Variants in KDM6A observed in about 807,000 individuals in gnomAD.
The protein encoded by KDM6A is lysine-specific demethylase 6A.
Under a neutral mutation model 117.6 loss-of-function variants are expected in KDM6A, and 11 were observed. The ratio of observed to expected loss-of-function variants is 0.09; its 90% confidence interval spans 0.06 to 0.15. KDM6A has a LOEUF of 0.15. KDM6A is among the 10% of genes least tolerant of loss of function. The probability of loss-of-function intolerance (pLI) is 1.00; values close to 1 mark genes in which losing one functional copy is unlikely to be tolerated. For missense variants in KDM6A, 799 were observed against 1,077.3 expected, an observed-to-expected ratio of 0.74 and a Z score of 3.62; for synonymous variants, 384 against 396.1, an observed-to-expected ratio of 0.97 and a Z score of 0.36.
intron 4 of KDM6A, among the ~76,000 whole-genome samples, chrX:45,000,401 C>T (rs772982997): frequency 1.0e-3 from 116 of 111,633 alleles, no homozygotes; most frequent in African/African-American, 3.7e-3. Context: ...TCTCACTGTA[C>T]GATGTCTTAT....
At chrX:44,993,030 C>A (rs12389151) in intron 4 of KDM6A, among the ~76,000 whole-genome samples, 3 of 111,908 alleles carry the variant, frequency 2.7e-5, no homozygotes, top group Non-Finnish European at 3.8e-5. Flanking sequence ...TATGGAGCAT[C>A]TGAGGAAAGA....
intron 2 of KDM6A, among the ~76,000 whole-genome samples, chrX:44,892,477 A>G (rs960387741): frequency 4.6e-5 from 5 of 108,659 alleles, no homozygotes; most frequent in Non-Finnish European, 9.6e-5. Flanking sequence ...TCACGAGGTC[A>G]GGAGATCGAG....
chrX:44,976,314 C>T (rs2039615236), intron 4 of KDM6A, among the ~76,000 whole-genome samples: 1 of 111,350 alleles, frequency 9.0e-6, no homozygotes, highest in Non-Finnish European at 1.9e-5. Flanking sequence ...GCTTCTTTAA[C>T]TTAGCATATG....
chrX:44,921,144 A>G (rs1440270067), intron 2 of KDM6A, among the ~76,000 whole-genome samples: 1 of 110,540 alleles, frequency 9.0e-6, no homozygotes, highest in Non-Finnish European at 1.9e-5. Flanking sequence ...AAATGCTAGG[A>G]TTACTTACAG....
intron 8 of KDM6A, among the ~76,000 whole-genome samples, chrX:45,048,798 T>C (rs751168210): frequency 2.7e-5 from 3 of 109,691 alleles, no homozygotes; most frequent in Admixed American, 2.0e-4. Flanking sequence ...TTATATTTTA[T>C]CCAGAATGTG....
intron 2 of KDM6A, among the ~76,000 whole-genome samples, chrX:44,928,794 C>T (rs1326520213): frequency 1.8e-5 from 2 of 111,066 alleles, no homozygotes; most frequent in Non-Finnish European, 3.8e-5. Flanking sequence ...TTTTTGTTTA[C>T]TTTATACTTA....
In KDM6A at chrX:44,992,206, CTTTTTTTTTTTTTTTTT is replaced by C. The variant is rs779979560; in HGVS notation, c.384+17510_384+17526del. On this transcript the variant is annotated intron_variant, in intron 4 of 29. Transcript: ENST00000611820. ...CGAAATTTAGCAATACTGTCTTCTT[CTTTTTTTTTTTTTTTTT>C]TTTTTTTTTTTTTTTTTTGAGACGG... Among the ~76,000 whole-genome samples the C allele has an allele frequency of 9.4e-4, 30 of 32,064 alleles. No homozygotes were observed. In the Admixed American group the frequency reaches 9.9e-3, roughly 11 times the overall value. 27.8% of individuals were successfully genotyped at this position (32,064 alleles called of 115,157 possible). A position where few individuals can be genotyped will look rare whatever the true frequency, so the allele number is the denominator to read the frequency against.
chrX:45,055,996 A>G (rs1373602344), intron 10 of KDM6A, among the ~76,000 whole-genome samples: 1 of 105,819 alleles, frequency 9.5e-6, no homozygotes, highest in African/African-American at 3.8e-5. Context: ...TCAGTATTTC[A>G]GTGAGCAGTA....
At chrX:45,041,438 C>G (rs772360071) in intron 8 of KDM6A, among the ~76,000 whole-genome samples, 4 of 106,003 alleles carry the variant, frequency 3.8e-5, no homozygotes, top group East Asian at 3.1e-4. Context: ...CTGACCCCCC[C>G]CCACCTCCCT....
intron 3 of KDM6A, among the ~76,000 whole-genome samples, chrX:44,970,779 T>A (rs1452264808): frequency 8.9e-6 from 1 of 112,036 alleles, no homozygotes. Flanking sequence ...AGTTCATAGG[T>A]GGATTTTTCT....
chrX:44,992,206 C>CTTTTTTT lies in KDM6A; in HGVS notation c.384+17520_384+17526dup, dbSNP rs779979560. The stretch of plus-strand genomic sequence containing the variant: ...CGAAATTTAGCAATACTGTCTTCTT[C>CTTTTTTT]TTTTTTTTTTTTTTTTTTTTTTTTT... On this transcript the variant is annotated intron_variant, in intron 4 of 29. Coordinates refer to ENST00000611820, the MANE Select transcript of KDM6A (RefSeq NM_001291415.2). 1.7e-3 allele frequency among the ~76,000 whole-genome samples: 54 copies of CTTTTTTT among 32,062 alleles called. 4 individuals are homozygous for CTTTTTTT. The highest frequency in any genetic ancestry group is 2.7e-3 in the Non-Finnish European group (46 of 17,130). 27.8% of individuals were successfully genotyped at this position (32,062 alleles called of 115,157 possible).
chrX:44,963,483 G>GTGTGTGCGTCTGTC (rs1481840859), intron 3 of KDM6A, among the ~76,000 whole-genome samples: 1 of 40,884 alleles, frequency 2.4e-5, no homozygotes, highest in African/African-American at 7.6e-5. Context: ...GTGTGTGTGT[G>GTGTGTGCGTCTGTC]TGTCTGTCTG....
intron 5 of KDM6A, among the ~76,000 whole-genome samples, chrX:45,015,604 G>C (rs1179606059): frequency 4.5e-5 from 5 of 111,593 alleles, no homozygotes; most frequent in Admixed American, 2.9e-4. Context: ...CTAATGCATG[G>C]TGGTACCATT....
chrX:45,012,641 T>C (rs2041816301), intron 5 of KDM6A, among the ~76,000 whole-genome samples: 1 of 111,798 alleles, frequency 8.9e-6, no homozygotes, highest in African/African-American at 3.3e-5. Context: ...CATATACCTA[T>C]TGGGCACCCT....
At chrX:45,038,902 G>T (rs1371730568) in intron 8 of KDM6A, among the ~76,000 whole-genome samples, 1 of 106,623 alleles carries the variant, frequency 9.4e-6, no homozygotes, top group Non-Finnish European at 1.9e-5. Context: ...AATACTGTTG[G>T]TTTTTTTTTT....
chrX:44,956,560 G>T (rs1446173636), intron 2 of KDM6A, among the ~76,000 whole-genome samples: 1 of 110,433 alleles, frequency 9.1e-6, no homozygotes, highest in Non-Finnish European at 1.9e-5. Flanking sequence ...ACCACACCAT[G>T]CCTGGGTAAT....
intron 4 of KDM6A, among the ~76,000 whole-genome samples, chrX:44,985,727 G>A (rs1418076219): frequency 1.8e-5 from 2 of 111,999 alleles, no homozygotes; most frequent in South Asian, 3.7e-4. Context: ...ATTTGCGTAT[G>A]TTGAACCAGC....
intron 6 of KDM6A, among the ~76,000 whole-genome samples, chrX:45,030,058 G>A (rs1389123917): frequency 1.8e-5 from 2 of 110,945 alleles, no homozygotes. Flanking sequence ...CCCATTTACG[G>A]GCTCAGACCA....
At chrX:45,040,440 C>CG (rs1294873724) in intron 8 of KDM6A, among the ~76,000 whole-genome samples, 1 of 80,853 alleles carries the variant, frequency 1.2e-5, no homozygotes, top group Non-Finnish European at 2.4e-5. Context: ...GCTGGCCGGG[C>CG]GGGGGGCTGA....
Sources: allele counts gnomAD v4.1 joint callset (sites outside exome capture counted in the v4.1 genomes callset), GRCh38; gene constraint gnomAD v4.1.1; transcripts MANE v1.5; gene names NCBI Gene and HGNC (gene_info 2026-07-23, HGNC 2026-07-21).